ANKUB1: variants seen among roughly 807,000 people sequenced by gnomAD.
ANKUB1 encodes the protein ankyrin repeat and ubiquitin domain containing 1, also known as protein ANKUB1.
In ANKUB1, 42 loss-of-function variants were observed where a neutral mutation model predicts 49.3. The ratio of observed to expected loss-of-function variants is 0.85; its 90% CI spans 0.67 to 1.10. ANKUB1 has a LOEUF of 1.10. Ranked by LOEUF, ANKUB1 falls within the 50% of genes least tolerant of loss-of-function variation. The pLI, the probability that ANKUB1 is intolerant of heterozygous loss-of-function variation, is 0.00. For missense variants in ANKUB1, 613 were observed against 642.0 expected (o/e 0.95, Z 0.49); for synonymous variants, 222 against 231.0 (o/e 0.96, Z 0.35).
intron 2 of ANKUB1, among the ~76,000 whole-genome samples, chr3:149,781,321 C>T (rs1717859242): frequency 6.6e-6 from 1 of 152,164 alleles, no homozygotes; most frequent in Admixed American, 6.5e-5. Flanking sequence ...ACTCAAAATA[C>T]AGCGAATAGG....
chr3:149,773,979 C>T (rs558086626), intron 3 of ANKUB1, among the ~76,000 whole-genome samples: 2 of 152,050 alleles, frequency 1.3e-5, no homozygotes, highest in East Asian at 1.9e-4. Context: ...AGCAACACAG[C>T]GAGACCCCAT....
At chr3:149,777,220 T>C (rs959601812) in intron 3 of ANKUB1, among the ~76,000 whole-genome samples, 4 of 152,092 alleles carry the variant, frequency 2.6e-5, no homozygotes, top group South Asian at 2.1e-4. Context: ...ACGCCTGTAA[T>C]CCCAGCACTT....
At chr3:149,770,273 A>G (rs9835414) in intron 4 of ANKUB1, among the ~76,000 whole-genome samples, 77,387 of 152,016 alleles carry the variant, frequency 0.51, 21,837 homozygotes, top group African/African-American at 0.78. Context: ...TTTCAACTGT[A>G]TGGGGAGTTG....
chr3:149,781,587 C>T (rs775361234), intron 2 of ANKUB1, among the ~76,000 whole-genome samples: 1 of 152,176 alleles, frequency 6.6e-6, no homozygotes, highest in Non-Finnish European at 1.5e-5. Context: ...TCTTGCCCCT[C>T]CTTTGTTTCC....
At position 149,761,437 on chromosome 3, in the gene ANKUB1, A is replaced by G; in HGVS notation, c.*47T>C. 6.5e-7 allele frequency: 1 copy of G among 1,545,304 alleles called. No homozygotes were observed. The highest frequency in any genetic ancestry group is 1.2e-5 in the South Asian group (1 of 83,690). ...AGAAATGTTAACATTAGAACTGGAC[A>G]TTCTGTTTGATCAGGTCTTTGTCCA... On this transcript the variant is annotated 3_prime_UTR_variant, in exon 6 of 6. Transcript: ENST00000446160.
rs1436229520 is a variant in ANKUB1, at chr3:149,768,054, C to T, written c.608G>A (p.Gly203Glu). The T allele has an allele frequency of 2.8e-6, 4 of 1,449,450 alleles. No homozygotes were observed. Among genetic ancestry groups the T allele is most frequent in the Non-Finnish European group, 3.6e-6 (4 of 1,096,066 alleles). 89.8% of individuals were successfully genotyped at this position (1,449,450 alleles called of 1,614,324 possible). Residue 203 changes from glycine (G) to glutamate (E), a missense_variant, in exon 5 of 6, where the codon GGG becomes GAG. Physicochemically the swap from Gly to Glu is moderately conservative, Grantham distance 98 (BLOSUM62 -2). Transcript: ENST00000446160. ...RVALYIAAFCGYIELTEWALK... is the reference protein window; with the variant it reads ...RVALYIAAFCEYIELTEWALK... ...GGCCCATTCAGTGAGTTCAATGTAC[C>T]CACAAAAAGCAGCAATGTACAGGGC...
intron 5 of ANKUB1, among the ~76,000 whole-genome samples, chr3:149,764,179 C>A (rs1716892672): frequency 6.6e-6 from 1 of 152,130 alleles, no homozygotes; most frequent in Non-Finnish European, 1.5e-5. Context: ...CTGCACTGGT[C>A]ATTTAGAGGG....
chr3:149,780,604 G>T (rs948294107), intron 2 of ANKUB1, 149 bp from the exon 3 acceptor site: 2 of 637,262 alleles, frequency 3.1e-6, no homozygotes, highest in African/African-American at 3.7e-5. Flanking sequence ...CTTCTGGTCT[G>T]AGTCTAGCTC....
chr3:149,791,072 T>G, intron 1 of ANKUB1, 148 bp from the exon 2 acceptor site: 1 of 690,792 alleles, frequency 1.4e-6, no homozygotes, highest in Middle Eastern at 3.0e-4. Context: ...GTTCTTAACT[T>G]AGAGAACTTC....
chr3:149,772,766 A>G, intron 3 of ANKUB1, among the ~76,000 whole-genome samples: 1 of 152,068 alleles, frequency 6.6e-6, no homozygotes, highest in South Asian at 2.1e-4. Context: ...CTCAGTAAGT[A>G]TTTGTTGAAT....
intron 2 of ANKUB1, among the ~76,000 whole-genome samples, chr3:149,784,100 TCTC>T (rs1282951242): frequency 4.6e-5 from 7 of 152,320 alleles, no homozygotes; most frequent in Non-Finnish European, 8.8e-5. Context: ...AGTACAAACT[TCTC>T]TAACTTATCT....
Position 149,768,071 on chromosome 3 carries a change from G to A in ANKUB1, c.591C>T (p.Tyr197=), listed in dbSNP as rs755952423. 7.0e-7 allele frequency: 1 copy of A among 1,437,970 alleles called. No homozygotes were observed. Among genetic ancestry groups the A allele is most frequent in the Non-Finnish European group, 9.2e-7 (1 of 1,089,846 alleles). The allele number at this position is 1,437,970 out of a possible 1,614,324, so 89.1% of individuals were successfully genotyped here. ...VLKYQKRVAL[Y]IAAFCGYIEL... is the part of the protein sequence containing the mutation. ...CAATGTACCCACAAAAAGCAGCAAT[G>A]TACAGGGCTACCCTTTTCTGATACC... is the stretch of plus-strand genomic sequence containing the variant. Residue 197 remains tyrosine, a synonymous_variant, in exon 5 of 6, where the codon TAC becomes TAT. Coordinates refer to ENST00000446160, the MANE Select transcript of ANKUB1 (RefSeq NM_001144960.3).
intron 5 of ANKUB1, among the ~76,000 whole-genome samples, chr3:149,766,212 C>A (rs891273553): frequency 1.3e-5 from 2 of 152,140 alleles, no homozygotes; most frequent in African/African-American, 4.8e-5. Flanking sequence ...CTAAGGATTA[C>A]CTTTTAACTC....
At chr3:149,769,937 G>T (rs186766393) in intron 4 of ANKUB1, among the ~76,000 whole-genome samples, 2 of 152,066 alleles carry the variant, frequency 1.3e-5, no homozygotes, top group Admixed American at 6.5e-5. Flanking sequence ...GAACTGTCAG[G>T]GTTCAGTTTG....
chr3:149,783,750 C>T (rs762760218), intron 2 of ANKUB1: 2 of 152,126 alleles, frequency 1.3e-5, no homozygotes, highest in Non-Finnish European at 2.9e-5. Context: ...TTTTGTTGAA[C>T]CAAATGAATT....
At chr3:149,761,778 T>C (rs567057165) in intron 5 of ANKUB1, among the ~76,000 whole-genome samples, 165 bp from the exon 6 acceptor site, 31 of 152,338 alleles carry the variant, frequency 2.0e-4, no homozygotes, top group African/African-American at 7.5e-4. Flanking sequence ...ACAAGTTCCC[T>C]GTGATGCAGT....
Position 149,790,839 on chromosome 3 carries a change from C to G in ANKUB1, c.176G>C (p.Ser59Thr). 6.4e-7 allele frequency: 1 copy of G among 1,552,132 alleles called. No homozygotes were observed. Among genetic ancestry groups the G allele is most frequent in the South Asian group, 1.2e-5 (1 of 84,058 alleles). The part of the protein sequence containing the change: ...LMYAGAALKD[S>T]WSLADVGISF... ...TATTCCAACATCAGCAAGACTCCAA[C>G]TGTCCTTTAGAGCAGCTCCAGCATA... The change falls in exon 2 of 6, where the codon AGT becomes ACT. Residue 59 changes from serine (S) to threonine (T), a missense_variant. Transcript: ENST00000446160.
intron 2 of ANKUB1, chr3:149,783,142 A>G (rs1384930445): frequency 2.0e-5 from 3 of 152,308 alleles, no homozygotes; most frequent in East Asian, 1.9e-4. Context: ...AGTGAGGCAC[A>G]TTAGTTGTCG....
At chr3:149,788,079 T>A (rs983017373) in intron 2 of ANKUB1, among the ~76,000 whole-genome samples, 1 of 152,192 alleles carries the variant, frequency 6.6e-6, no homozygotes, top group Non-Finnish European at 1.5e-5. Context: ...GCAAACTAAC[T>A]TTCACAAAGT....
Sources: gnomAD v4.1 joint callset for allele counts (sites outside exome capture counted in the v4.1 genomes callset) on GRCh38, gnomAD v4.1.1 for gene constraint, MANE v1.5 for transcripts, NCBI Gene and HGNC (gene_info 2026-07-23, HGNC 2026-07-21) for gene names.